The following FGF2 variants were observed in gnomAD, a reference collection of about 807,000 sequenced individuals.
FGF2 encodes the protein basic fibroblast growth factor bFGF.
A neutral mutation model predicts 15.9 loss-of-function variants in FGF2; 13 were observed. That is an observed-to-expected ratio of 0.82 (90% CI 0.53 to 1.30). The LOEUF (loss-of-function observed/expected upper bound fraction) is 1.30, where lower values mean the gene tolerates loss of function less well. Ranked by LOEUF, FGF2 falls within the 50% of genes most tolerant of loss-of-function variation. The probability of loss-of-function intolerance (pLI) is 0.00; values close to 1 mark genes in which losing one functional copy is unlikely to be tolerated. For synonymous variants in FGF2, 90 were observed against 78.4 expected, an observed-to-expected ratio of 1.15 and a Z score of -0.78; for missense variants, 163 against 196.9, an observed-to-expected ratio of 0.83 and a Z score of 1.03.
At chr4:122,830,599 TCTTTTGGCATCCTTAA>T (rs1725743787) in intron 1 of FGF2, among the ~76,000 whole-genome samples, 1 of 152,114 alleles carries the variant, frequency 6.6e-6, no homozygotes. Flanking sequence ...CTCCTGCCTT[TCTTTTGGCATCCTTAA>T]CTTTTGGCAG....
At chr4:122,874,373 T>C (rs1430888393) in intron 1 of FGF2, among the ~76,000 whole-genome samples, 2 of 152,254 alleles carry the variant, frequency 1.3e-5, no homozygotes. Context: ...TATTATCTTT[T>C]AAGATTTTGT....
intron 2 of FGF2, chr4:122,882,528 G>A (rs557873444): frequency 5.6e-4 from 86 of 152,296 alleles, no homozygotes; most frequent in African/African-American, 2.1e-3. Flanking sequence ...ACTTGTGAAA[G>A]TTAGTCTTAA....
chr4:122,828,811 G>T lies in FGF2; in HGVS notation c.178+1459G>T, dbSNP rs372904410. Among the ~76,000 whole-genome samples the T allele has an allele frequency of 4.8e-4, 73 of 151,862 alleles. 1 individual carries two copies. In the Middle Eastern group the frequency reaches 0.027, roughly 57 times the overall value. On this transcript the variant is annotated intron_variant, in intron 1 of 2. Transcript: ENST00000644866. ...TAACCTATTAGATGGGTTAGTGCTA[G>T]TTCTCTATTCTGGTAACTTGAACTC...
rs1429317196 is a variant in FGF2, at chr4:122,826,865, CG to C, written c.-307del. ...GCGGACGCGGTGCCCGCGGTTGCAA[CG>C]GGATCCCGGGCGCTGCAGCTTGGGA... On this transcript the variant is annotated 5_prime_UTR_variant, in exon 1 of 3. Coordinates refer to ENST00000644866, the MANE Select transcript of FGF2 (RefSeq NM_001361665.2). The C allele has an allele frequency of 2.6e-6, 4 of 1,515,704 alleles. No homozygotes were observed. The East Asian group carries it at 1.1e-4, about 41-fold the overall frequency. The allele number at this position is 1,515,704 out of a possible 1,614,324, so 93.9% of individuals were successfully genotyped here.
At chr4:122,860,928 T>C (rs41505450) in intron 1 of FGF2, among the ~76,000 whole-genome samples, 7,043 of 152,288 alleles carry the variant, frequency 0.046, 333 homozygotes, top group African/African-American at 0.11. Context: ...CCTTGATTTT[T>C]TAATGGAGAA....
At chr4:122,829,843 T>A (rs1194366051) in intron 1 of FGF2, among the ~76,000 whole-genome samples, 2 of 152,158 alleles carry the variant, frequency 1.3e-5, no homozygotes, top group Non-Finnish European at 2.9e-5. Flanking sequence ...TGGACATAAA[T>A]TTAAGTACAG....
At chr4:122,892,159 TGTA>T in intron 2 of FGF2, 49 bp from the exon 3 acceptor site, 1 of 1,381,662 alleles carries the variant, frequency 7.2e-7, no homozygotes, top group Non-Finnish European at 1.0e-6. Context: ...ATATGAAAAG[TGTA>T]ATAATAATAA....
At chr4:122,852,587 C>T (rs1479281631) in intron 1 of FGF2, among the ~76,000 whole-genome samples, 1 of 152,204 alleles carries the variant, frequency 6.6e-6, no homozygotes, top group Non-Finnish European at 1.5e-5. Flanking sequence ...ATTAATTCCT[C>T]GCTTTTATGA....
intron 1 of FGF2, among the ~76,000 whole-genome samples, chr4:122,860,621 A>AT (rs1560747370): frequency 6.6e-6 from 1 of 151,484 alleles, no homozygotes; most frequent in South Asian, 2.1e-4. Flanking sequence ...ACGCCTGGCT[A>AT]TTTTTTTGTA....
chr4:122,869,016 C>T (rs935322190), intron 1 of FGF2, among the ~76,000 whole-genome samples: 1 of 152,026 alleles, frequency 6.6e-6, no homozygotes, highest in African/African-American at 2.4e-5. Context: ...GGATATTAGA[C>T]CTTTGTTAGA....
chr4:122,881,816 A>G (rs1726965483), intron 2 of FGF2: 1 of 156,438 alleles, frequency 6.4e-6, no homozygotes, highest in African/African-American at 2.4e-5. Flanking sequence ...CCTAGTACCA[A>G]TTTACTGTAT....
At chr4:122,887,733 C>T (rs1338944387) in intron 2 of FGF2, among the ~76,000 whole-genome samples, 2 of 152,150 alleles carry the variant, frequency 1.3e-5, no homozygotes, top group South Asian at 2.1e-4. Context: ...GAACCATAAA[C>T]TAAGCTGGTT....
chr4:122,831,588 T>G (rs759872346), intron 1 of FGF2, among the ~76,000 whole-genome samples: 1 of 152,224 alleles, frequency 6.6e-6, no homozygotes, highest in Non-Finnish European at 1.5e-5. Context: ...GAAGTCAGAA[T>G]CTAATAGCTC....
At chr4:122,844,537 T>C (rs544083572) in intron 1 of FGF2, among the ~76,000 whole-genome samples, 267 of 151,278 alleles carry the variant, frequency 1.8e-3, no homozygotes, top group Non-Finnish European at 3.0e-3. Flanking sequence ...CTTTTTCTTT[T>C]TTTCTTTCTT....
intron 1 of FGF2, among the ~76,000 whole-genome samples, chr4:122,828,660 A>G (rs1333063945): frequency 2.0e-5 from 3 of 152,214 alleles, no homozygotes; most frequent in Non-Finnish European, 4.4e-5. Context: ...CTTTCATATG[A>G]GCTGAGTCTT....
rs536682858 is a variant in FGF2 at position 122,853,983 on chromosome 4, C to T, written c.179-22338C>T. Among the ~76,000 whole-genome samples, 10 of 152,216 alleles carry T rather than the reference C, an allele frequency of 6.6e-5. No individual in the cohort carries two copies. In the South Asian group the frequency reaches 1.0e-3, roughly 16 times the overall value. On this transcript the variant is annotated intron_variant, in intron 1 of 2. Coordinates refer to ENST00000644866, the MANE Select transcript of FGF2 (RefSeq NM_001361665.2). Reference sequence around the variant, plus strand: ...ATCAGTATATGTGCTGTATTTGCTGCGTCTAGAGAGGAGCTGGGATGGATG... The same window carrying T: ...ATCAGTATATGTGCTGTATTTGCTGTGTCTAGAGAGGAGCTGGGATGGATG...
intron 2 of FGF2, chr4:122,883,042 G>A (rs1726991307): frequency 6.6e-6 from 1 of 152,138 alleles, no homozygotes; most frequent in African/African-American, 2.4e-5. Flanking sequence ...CATCATCTGG[G>A]GATGCAGATG....
chr4:122,891,859 A>G (rs1727198077), intron 2 of FGF2, among the ~76,000 whole-genome samples: 1 of 152,208 alleles, frequency 6.6e-6, no homozygotes, highest in Non-Finnish European at 1.5e-5. Context: ...GCTGGGAGCT[A>G]TAGCTTTGGG....
intron 1 of FGF2, among the ~76,000 whole-genome samples, chr4:122,871,371 C>A (rs1159973868): frequency 6.6e-6 from 1 of 151,912 alleles, no homozygotes; most frequent in African/African-American, 2.4e-5. Context: ...TCCTGAATAT[C>A]CTTGTTAATT....
Sources: gnomAD v4.1 joint callset for allele counts (sites outside exome capture counted in the v4.1 genomes callset) on GRCh38, gnomAD v4.1.1 for gene constraint, MANE v1.5 for transcripts, NCBI Gene and HGNC (gene_info 2026-07-23, HGNC 2026-07-21) for gene names.